NCKAP5: variants seen among roughly 807,000 people sequenced by gnomAD.
NCKAP5 encodes the protein NCK associated protein 5, also known as nck-associated protein 5.
Under a neutral mutation model 167.0 loss-of-function variants are expected in NCKAP5, and 92 were observed. The ratio of observed to expected loss-of-function variants is 0.55; its 90% CI spans 0.47 to 0.66. NCKAP5 has a LOEUF of 0.66. Ranked by LOEUF, NCKAP5 falls within the 30% of genes least tolerant of loss-of-function variation. The pLI is 0.00. For missense variants in NCKAP5, 2,378 were observed against 2,315.0 expected, an observed-to-expected ratio of 1.03 and a Z score of -0.56; for synonymous variants, 891 against 877.4, an observed-to-expected ratio of 1.02 and a Z score of -0.27.
In NCKAP5 at chr2:133,130,124, C is replaced by T; in HGVS notation, c.208-13G>A. The stretch of plus-strand genomic sequence containing the variant: ...TCAGCTTCTCATGCTATAAAAGACA[C>T]AAAGGGGATGACTTTTAGGAAGGTG... On this transcript the variant is annotated splice_polypyrimidine_tract_variant and intron_variant, in intron 5 of 19. Coordinates refer to ENST00000409261, the MANE Select transcript of NCKAP5 (RefSeq NM_207363.3). The T allele has an allele frequency of 6.3e-7, 1 of 1,599,862 alleles. No homozygotes were observed. The highest frequency in any genetic ancestry group is 8.5e-7 in the Non-Finnish European group (1 of 1,176,108).
At chr2:132,860,386 G>T (rs1331505637) in intron 11 of NCKAP5, 106 bp downstream of exon 11, 5 of 1,239,970 alleles carry the variant, frequency 4.0e-6, no homozygotes, top group Non-Finnish European at 4.4e-6. Flanking sequence ...TTGGGATTCT[G>T]ATGCAATATG....
At chr2:133,133,662 C>G (rs562431210) in intron 5 of NCKAP5, among the ~76,000 whole-genome samples, 1 of 152,334 alleles carries the variant, frequency 6.6e-6, no homozygotes, top group East Asian at 1.9e-4. Context: ...TATTCGTTAG[C>G]TGCTGTCTCT....
intron 3 of NCKAP5, among the ~76,000 whole-genome samples, chr2:133,470,861 T>C (rs773181090): frequency 1.3e-5 from 2 of 152,248 alleles, no homozygotes; most frequent in African/African-American, 4.8e-5. Context: ...TGCCTCACCC[T>C]GCTTTGGCTT....
intron 11 of NCKAP5, among the ~76,000 whole-genome samples, chr2:132,820,430 G>T (rs1686633815): frequency 6.6e-6 from 1 of 151,896 alleles, no homozygotes; most frequent in Non-Finnish European, 1.5e-5. Context: ...GGGTTTCATT[G>T]TGTTAGCCAG....
intron 3 of NCKAP5, among the ~76,000 whole-genome samples, chr2:133,514,643 C>T (rs968083080): frequency 1.3e-5 from 2 of 152,076 alleles, no homozygotes; most frequent in African/African-American, 4.8e-5. Flanking sequence ...TACCTCTGGG[C>T]CCCCTAACTC....
the NCKAP5 span, among the ~76,000 whole-genome samples, chr2:133,674,358 C>T: frequency 6.6e-6 from 1 of 152,014 alleles, no homozygotes; most frequent in Non-Finnish European, 1.5e-5. Flanking sequence ...CTGTTGGTTC[C>T]AAGGAGGAAT....
chr2:132,953,568 A>T (rs1028009205), intron 8 of NCKAP5, among the ~76,000 whole-genome samples: 7 of 152,176 alleles, frequency 4.6e-5, no homozygotes, highest in African/African-American at 1.4e-4. Flanking sequence ...TCTCTTTGTA[A>T]TTCCAGCATC....
intron 3 of NCKAP5, among the ~76,000 whole-genome samples, chr2:133,331,045 T>C (rs757726585): frequency 1.3e-5 from 2 of 152,160 alleles, no homozygotes; most frequent in Non-Finnish European, 2.9e-5. Flanking sequence ...TGAGCAAATA[T>C]GTGTGCAAAA....
chr2:133,263,528 G>A lies in NCKAP5; in HGVS notation c.143+39509C>T, dbSNP rs560693618. On this transcript the variant is annotated intron_variant, in intron 4 of 19. Transcript: ENST00000409261. Reference sequence around the variant, plus strand: ...CAAAAGTTTTCAAAATGATACACAAGATCAGCATGATATCTGAAATGCAAA... The same window carrying A: ...CAAAAGTTTTCAAAATGATACACAAAATCAGCATGATATCTGAAATGCAAA... Among the ~76,000 whole-genome samples, 229 of 152,018 alleles carry A rather than the reference G, an allele frequency of 1.5e-3. 1 individual carries two copies. The highest frequency in any genetic ancestry group is 2.2e-3 in the Non-Finnish European group (151 of 67,992).
chr2:133,208,123 G>A (rs13400237), intron 5 of NCKAP5, among the ~76,000 whole-genome samples: 1,540 of 152,224 alleles, frequency 0.01, 27 homozygotes, highest in African/African-American at 0.036. Context: ...CAGATCACTT[G>A]AGCCCAGAGG....
intron 3 of NCKAP5, among the ~76,000 whole-genome samples, chr2:133,470,876 A>G (rs971328382): frequency 1.3e-5 from 2 of 152,242 alleles, no homozygotes; most frequent in African/African-American, 2.4e-5. Flanking sequence ...TGGCTTGCGC[A>G]TGGTGCGCGC....
chr2:133,614,475 C>G, the NCKAP5 span, among the ~76,000 whole-genome samples: 1 of 151,958 alleles, frequency 6.6e-6, no homozygotes, highest in Non-Finnish European at 1.5e-5. Context: ...GAGCTGAAAA[C>G]CAAGGCTCGA....
intron 2 of NCKAP5, among the ~76,000 whole-genome samples, chr2:133,521,839 C>A (rs1684503188): frequency 6.6e-6 from 1 of 152,212 alleles, no homozygotes; most frequent in African/African-American, 2.4e-5. Context: ...CAGTTATTTT[C>A]AGTCAGGTTT....
At chr2:133,025,436 G>T (rs1368918149) in intron 6 of NCKAP5, among the ~76,000 whole-genome samples, 1 of 152,212 alleles carries the variant, frequency 6.6e-6, no homozygotes, top group Non-Finnish European at 1.5e-5. Flanking sequence ...CTCACTGATG[G>T]AAAGTACAGG....
At chr2:132,772,679 A>G (rs939884130) in intron 16 of NCKAP5, among the ~76,000 whole-genome samples, 2 of 152,208 alleles carry the variant, frequency 1.3e-5, no homozygotes, top group African/African-American at 4.8e-5. Context: ...CTTTTGGAAT[A>G]ATAATCTTAT....
intron 3 of NCKAP5, among the ~76,000 whole-genome samples, chr2:133,315,551 G>C (rs116398701): frequency 6.6e-6 from 1 of 151,788 alleles, no homozygotes; most frequent in South Asian, 2.1e-4. Flanking sequence ...TATAAACATG[G>C]AGCCGTGACA....
chr2:132,997,710 A>C (rs2077645754), intron 6 of NCKAP5, among the ~76,000 whole-genome samples: 1 of 152,006 alleles, frequency 6.6e-6, no homozygotes, highest in Non-Finnish European at 1.5e-5. Context: ...CCTAACTAGG[A>C]GTTACCTTGG....
chr2:133,205,489 T>G lies in NCKAP5; in HGVS notation c.207+8227A>C, dbSNP rs531770849. On this transcript the variant is annotated intron_variant, in intron 5 of 19. Coordinates refer to ENST00000409261, the MANE Select transcript of NCKAP5 (RefSeq NM_207363.3). ...CATTCTGTTCTCTAGTTTACTTGAA[T>G]ATCTTTGTCCCAACATCACACTAAT... is the stretch of plus-strand genomic sequence containing the variant. Among the ~76,000 whole-genome samples the G allele has an allele frequency of 3.9e-5, 6 of 152,342 alleles. No individual in the cohort carries two copies. In the East Asian group the frequency reaches 9.6e-4, roughly 24 times the overall value.
intron 3 of NCKAP5, among the ~76,000 whole-genome samples, chr2:133,471,399 G>A (rs913437449): frequency 3.9e-5 from 6 of 152,132 alleles, no homozygotes; most frequent in African/African-American, 1.4e-4. Flanking sequence ...GAGATCTGGA[G>A]CCCATCCTAG....
Sources: gnomAD v4.1 joint callset for allele counts (sites outside exome capture counted in the v4.1 genomes callset) on GRCh38, gnomAD v4.1.1 for gene constraint, MANE v1.5 for transcripts, NCBI Gene and HGNC (gene_info 2026-07-23, HGNC 2026-07-21) for gene names.